Variants in ADAMTSL1 observed in about 807,000 individuals in gnomAD.
ADAMTSL1 encodes the protein ADAMTS-like protein 1.
ADAMTSL1 carries 126 observed loss-of-function variants against 201.8 expected under a neutral mutation model. That is an observed-to-expected ratio of 0.62 (90% CI 0.54 to 0.72). The LOEUF (loss-of-function observed/expected upper bound fraction) is 0.72. Ranked by LOEUF, ADAMTSL1 falls within the 30% of genes least tolerant of loss-of-function variation. ADAMTSL1 has a pLI of 0.00. For missense variants in ADAMTSL1, 2,679 were observed against 2,277.8 expected (o/e 1.18, Z -3.59); for synonymous variants, 1,121 against 903.4 (o/e 1.24, Z -4.32).
intron 1 of ADAMTSL1, among the ~76,000 whole-genome samples, chr9:18,130,082 G>C (rs1825886274): frequency 6.6e-6 from 1 of 152,134 alleles, no homozygotes; most frequent in Non-Finnish European, 1.5e-5. Context: ...AGAGAGAAAA[G>C]AATGTGAAGC....
intron 1 of ADAMTSL1, among the ~76,000 whole-genome samples, chr9:18,104,753 C>T (rs1824683784): frequency 6.6e-6 from 1 of 152,114 alleles, no homozygotes; most frequent in Non-Finnish European, 1.5e-5. Context: ...ATTTAAATAA[C>T]AATAATTTTA....
In ADAMTSL1 at chr9:18,776,771, C is replaced by G. The variant is rs1362222423; in HGVS notation, c.2552-10C>G. 1 of 1,538,582 alleles carries G rather than the reference C, an allele frequency of 6.5e-7. No individual in the cohort carries two copies. Among genetic ancestry groups the G allele is most frequent in the African/African-American group, 1.4e-5 (1 of 72,782 alleles). ...CTTTCTCTGTCCCTTCGGGTTCGCTCTCCTTCCAGGGCCCGGGCGGCCATC... is the reference window on the plus strand; with the variant it reads ...CTTTCTCTGTCCCTTCGGGTTCGCTGTCCTTCCAGGGCCCGGGCGGCCATC... On this transcript the variant is annotated splice_polypyrimidine_tract_variant and intron_variant, in intron 18 of 28. Transcript: ENST00000380548.
chr9:18,903,964 CT>C (rs34983014), intron 26 of ADAMTSL1, among the ~76,000 whole-genome samples: 85,267 of 149,420 alleles, frequency 0.57, 24,417 homozygotes, highest in African/African-American at 0.64. Flanking sequence ...GTTTTAATCA[CT>C]TTTTTTTTTT....
intron 16 of ADAMTSL1, among the ~76,000 whole-genome samples, chr9:18,764,868 G>A (rs779276756): frequency 3.3e-5 from 5 of 152,148 alleles, no homozygotes; most frequent in African/African-American, 4.8e-5. Context: ...TCAACATGTT[G>A]TTACATACCT....
At chr9:18,528,162 G>A (rs1819212990) in intron 2 of ADAMTSL1, among the ~76,000 whole-genome samples, 2 of 152,122 alleles carry the variant, frequency 1.3e-5, no homozygotes, top group African/African-American at 4.8e-5. Flanking sequence ...ACAGGCATGA[G>A]CCACCACACC....
At chr9:18,648,145 C>A (rs1447947750) in intron 7 of ADAMTSL1, among the ~76,000 whole-genome samples, 1 of 142,346 alleles carries the variant, frequency 7.0e-6, no homozygotes, top group African/African-American at 2.5e-5. Context: ...TATGTAATGG[C>A]CTTCTTTGTC....
chr9:18,274,388 C>G (rs1425226289), intron 2 of ADAMTSL1, among the ~76,000 whole-genome samples: 1 of 152,064 alleles, frequency 6.6e-6, no homozygotes, highest in East Asian at 1.9e-4. Context: ...GCAAACTGAG[C>G]TAATATTTCT....
intron 1 of ADAMTSL1, among the ~76,000 whole-genome samples, chr9:18,074,656 T>A (rs1823133473): frequency 2.0e-5 from 3 of 151,940 alleles, no homozygotes; most frequent in African/African-American, 7.3e-5. Flanking sequence ...AATGGCATGA[T>A]CTCTGCTTAC....
chr9:18,186,864 CACAA>C (rs969850375), intron 2 of ADAMTSL1, among the ~76,000 whole-genome samples: 6 of 151,234 alleles, frequency 4.0e-5, no homozygotes, highest in African/African-American at 1.5e-4. Context: ...CACACACATG[CACAA>C]ACACACACAA....
intron 1 of ADAMTSL1, among the ~76,000 whole-genome samples, chr9:18,142,817 A>C (rs746687840): frequency 3.9e-5 from 6 of 152,166 alleles, no homozygotes; most frequent in Non-Finnish European, 8.8e-5. Flanking sequence ...GAGTGGTAAA[A>C]TCTTCCGAAC....
At chr9:18,674,827 C>T (rs1171356304) in intron 9 of ADAMTSL1, among the ~76,000 whole-genome samples, 2 of 152,160 alleles carry the variant, frequency 1.3e-5, no homozygotes, top group Admixed American at 6.5e-5. Context: ...CTACCATGCT[C>T]TACATCTGTG....
chr9:18,509,158 T>G (rs903223798), intron 2 of ADAMTSL1, among the ~76,000 whole-genome samples: 1 of 107,462 alleles, frequency 9.3e-6, no homozygotes, highest in Admixed American at 1.4e-4. Context: ...CAGTCCGCAG[T>G]CCGGCCTGGG....
intron 1 of ADAMTSL1, among the ~76,000 whole-genome samples, chr9:18,121,057 A>T (rs1311647343): frequency 6.6e-6 from 1 of 152,192 alleles, no homozygotes; most frequent in South Asian, 2.1e-4. Context: ...ATGACATTTT[A>T]AAAAACCGTA....
intron 2 of ADAMTSL1, among the ~76,000 whole-genome samples, chr9:18,220,780 A>T (rs1171566305): frequency 6.9e-6 from 1 of 145,120 alleles, no homozygotes; most frequent in Non-Finnish European, 1.5e-5. Flanking sequence ...GTTACTCCTA[A>T]TTTTTTTTTT....
chr9:18,286,391 G>T (rs765691002), intron 2 of ADAMTSL1, among the ~76,000 whole-genome samples: 1 of 152,198 alleles, frequency 6.6e-6, no homozygotes, highest in East Asian at 1.9e-4. Context: ...TAAACTTTTT[G>T]TTGGCTCCTT....
At chr9:18,375,896 A>T (rs962351918) in intron 2 of ADAMTSL1, among the ~76,000 whole-genome samples, 2 of 152,106 alleles carry the variant, frequency 1.3e-5, no homozygotes, top group Admixed American at 1.3e-4. Flanking sequence ...CTAGCTAGCC[A>T]CAGAGTGCTG....
At chr9:18,784,740 A>T (rs1821600697) in intron 19 of ADAMTSL1, among the ~76,000 whole-genome samples, 1 of 152,214 alleles carries the variant, frequency 6.6e-6, no homozygotes, top group Non-Finnish European at 1.5e-5. Flanking sequence ...TTTATAGAGC[A>T]CTTACAATGG....
chr9:18,491,625 A>G (rs74343931), intron 1 of ADAMTSL1, among the ~76,000 whole-genome samples: 12,028 of 152,280 alleles, frequency 0.079, 656 homozygotes, highest in Non-Finnish European at 0.12. Context: ...GCTCCTTAAC[A>G]TGATCATTTA....
chr9:18,042,626 G>A (rs1022385683), intron 1 of ADAMTSL1, among the ~76,000 whole-genome samples: 1 of 152,094 alleles, frequency 6.6e-6, no homozygotes, highest in Non-Finnish European at 1.5e-5. Context: ...ATCAGAGAAA[G>A]CTCTTATAAC....
Sources: gnomAD v4.1 joint callset for allele counts (sites outside exome capture counted in the v4.1 genomes callset) on GRCh38, gnomAD v4.1.1 for gene constraint, MANE v1.5 for transcripts, NCBI Gene and HGNC (gene_info 2026-07-23, HGNC 2026-07-21) for gene names.